DLC1: variants seen among roughly 807,000 people sequenced by gnomAD.
The protein encoded by DLC1 is rho GTPase-activating protein 7.
A neutral mutation model predicts 140.3 loss-of-function variants in DLC1; 54 were observed. That is an observed-to-expected ratio of 0.38 (90% confidence interval 0.31 to 0.48). The LOEUF is 0.48. Ranked by LOEUF, DLC1 falls within the 20% of genes least tolerant of loss-of-function variation. The pLI is 0.96. For synonymous variants in DLC1, 986 were observed against 728.1 expected (o/e 1.35, Z -5.70); for missense variants, 2,536 against 1,907.0 (o/e 1.33, Z -6.14).
At chr8:13,437,482 T>C (rs1839176525) in intron 2 of DLC1, among the ~76,000 whole-genome samples, 1 of 152,182 alleles carries the variant, frequency 6.6e-6, no homozygotes, top group South Asian at 2.1e-4. Context: ...GCCAAGTAAA[T>C]CATGTTCACA....
chr8:13,091,430 A>T lies in DLC1; in HGVS notation c.3743T>A (p.Val1248Glu), dbSNP rs775455713. The T allele has an allele frequency of 1.1e-5, 17 of 1,613,364 alleles. No homozygotes were observed. The East Asian group carries it at 3.1e-4, about 30-fold the overall frequency. Reference sequence around the variant, plus strand: ...GCCCAAACTTTGTTTTCTTTGCATTACCCTAGGTAGAAGAAATACAGGAGG... The same window carrying T: ...GCCCAAACTTTGTTTTCTTTGCATTTCCCTAGGTAGAAGAAATACAGGAGG... The part of the protein sequence containing the change: ...TLKRENSSPR[V>E]MQRKQSLGKP... Residue 1248 changes from valine to glutamate, a missense_variant and splice_region_variant, in exon 14 of 18, where the codon GTA becomes GAA. By Grantham distance (121) the Val-to-Glu change is moderately radical. Coordinates refer to ENST00000276297, the MANE Select transcript of DLC1 (RefSeq NM_182643.3).
At chr8:13,192,698 T>C (rs1826828665) in intron 5 of DLC1, among the ~76,000 whole-genome samples, 1 of 151,944 alleles carries the variant, frequency 6.6e-6, no homozygotes. Flanking sequence ...TTTAAAGAGG[T>C]GAGTGGGTTA....
At chr8:13,318,749 A>T (rs567803548) in intron 4 of DLC1, among the ~76,000 whole-genome samples, 1 of 152,220 alleles carries the variant, frequency 6.6e-6, no homozygotes, top group South Asian at 2.1e-4. Context: ...ACATTAACAC[A>T]AAGGTAAGCC....
intron 2 of DLC1, among the ~76,000 whole-genome samples, chr8:13,466,885 A>G (rs542344254): frequency 3.9e-5 from 6 of 152,288 alleles, no homozygotes; most frequent in South Asian, 2.1e-4. Flanking sequence ...TAGACTGGCA[A>G]TAACTGAAAA....
chr8:13,275,044 A>G (rs1334552828), intron 5 of DLC1, among the ~76,000 whole-genome samples: 1 of 152,234 alleles, frequency 6.6e-6, no homozygotes, highest in Non-Finnish European at 1.5e-5. Flanking sequence ...CCTCTAAACA[A>G]TAATAAAATG....
chr8:13,282,796 G>A (rs763309611), intron 5 of DLC1, among the ~76,000 whole-genome samples: 1 of 152,114 alleles, frequency 6.6e-6, no homozygotes, highest in Admixed American at 6.6e-5. Context: ...TGTGGTTATT[G>A]CAATTCATAC....
intron 1 of DLC1, among the ~76,000 whole-genome samples, chr8:13,602,479 C>A (rs73663925): frequency 4.0e-5 from 6 of 151,582 alleles, no homozygotes; most frequent in Non-Finnish European, 7.4e-5. Flanking sequence ...TATACAATAT[C>A]GATTTGTAAA....
intron 2 of DLC1, among the ~76,000 whole-genome samples, chr8:13,474,668 A>G (rs1038044018): frequency 3.6e-4 from 55 of 152,316 alleles, no homozygotes; most frequent in African/African-American, 1.3e-3. Flanking sequence ...AGATCATAGG[A>G]ACACACCTCT....
At chr8:13,372,182 T>C (rs1835761727) in intron 4 of DLC1, among the ~76,000 whole-genome samples, 1 of 151,978 alleles carries the variant, frequency 6.6e-6, no homozygotes, top group South Asian at 2.1e-4. Flanking sequence ...TAGTGGGAAA[T>C]AGAAAACTAA....
intron 2 of DLC1, among the ~76,000 whole-genome samples, chr8:13,413,256 A>ACTTTTTTTT (rs1491415150): frequency 8.5e-5 from 7 of 82,022 alleles, no homozygotes; most frequent in Non-Finnish European, 9.1e-5. Context: ...TTTTTTTGCG[A>ACTTTTTTTT]TTTTTTTTTT....
rs1287275980 is a variant in DLC1 at position 13,099,538 on chromosome 8, C to T, written c.2799G>A (p.Ser933=). 4 of 1,614,018 alleles carry T rather than the reference C, an allele frequency of 2.5e-6. No homozygotes were observed. Among genetic ancestry groups the T allele is most frequent in the African/African-American group, 1.3e-5 (1 of 74,898 alleles). The stretch of plus-strand genomic sequence containing the variant: ...GAGAGACCGAGTCCAGGGCTGAGTC[C>T]GAATCTCCCTCATCAGAAAACTTCT... ...WSEKFSDEGD[S]DSALDSVSPC... is the part of the protein sequence containing the mutation. Residue 933 remains serine, a synonymous_variant, in exon 9 of 18, where the codon TCG becomes TCA. Coordinates refer to ENST00000276297, the MANE Select transcript of DLC1 (RefSeq NM_182643.3).
chr8:13,223,313 C>G (rs1318585143), intron 5 of DLC1, among the ~76,000 whole-genome samples: 3 of 152,180 alleles, frequency 2.0e-5, no homozygotes, highest in Non-Finnish European at 4.4e-5. Context: ...CAGTTGGTGG[C>G]TAATATCTCG....
At position 13,100,507 on chromosome 8, in the gene DLC1, G is replaced by A. The variant is rs773622309; in HGVS notation, c.1830C>T (p.Ser610=). 5.6e-6 allele frequency: 9 copies of A among 1,612,412 alleles called. No homozygotes were observed. Among genetic ancestry groups the A allele is most frequent in the East Asian group, 4.5e-5 (2 of 44,858 alleles). Residue 610 remains serine (S), a synonymous_variant, in exon 9 of 18, where the codon AGC becomes AGT. Transcript: ENST00000276297. ...TGSLPSHAPP[S]EDAATPRTNS... ...TAGTCCGGGGGGTGGCAGCATCCTC[G>A]CTGGGGGGCGCGTGGCTGGGGAGGC...
At chr8:13,236,676 T>C (rs11994421) in intron 5 of DLC1, among the ~76,000 whole-genome samples, 7,957 of 152,156 alleles carry the variant, frequency 0.052, 480 homozygotes, top group African/African-American at 0.14. Context: ...GCTTTGGAGA[T>C]GGTCCAAAAA....
chr8:13,243,168 T>C (rs909138462), intron 5 of DLC1, among the ~76,000 whole-genome samples: 1 of 151,822 alleles, frequency 6.6e-6, no homozygotes, highest in South Asian at 2.1e-4. Context: ...CACATGCCTG[T>C]AATCCCAGCT....
chr8:13,333,795 C>T (rs1285020463), intron 4 of DLC1, among the ~76,000 whole-genome samples: 1 of 152,178 alleles, frequency 6.6e-6, no homozygotes, highest in African/African-American at 2.4e-5. Context: ...TAGATATCTA[C>T]AAACATGTTT....
At chr8:13,555,295 T>C (rs1432377957) in intron 1 of DLC1, among the ~76,000 whole-genome samples, 3 of 152,176 alleles carry the variant, frequency 2.0e-5, no homozygotes, top group Non-Finnish European at 4.4e-5. Context: ...ACACACCAGA[T>C]TATAACCTCC....
intron 8 of DLC1, among the ~76,000 whole-genome samples, chr8:13,101,068 C>A (rs952224783): frequency 1.1e-4 from 17 of 151,974 alleles, no homozygotes; most frequent in Non-Finnish European, 1.5e-4. Flanking sequence ...CTTACATATT[C>A]TTTTTCTTTT....
At chr8:13,409,523 T>G (rs1186909344) in intron 2 of DLC1, among the ~76,000 whole-genome samples, 1 of 152,154 alleles carries the variant, frequency 6.6e-6, no homozygotes, top group Non-Finnish European at 1.5e-5. Flanking sequence ...TATAAGACAA[T>G]ATTGCATTGG....
Sources: gnomAD v4.1 joint callset for allele counts (sites outside exome capture counted in the v4.1 genomes callset) on GRCh38, gnomAD v4.1.1 for gene constraint, MANE v1.5 for transcripts, NCBI Gene and HGNC (gene_info 2026-07-23, HGNC 2026-07-21) for gene names.